The following CAST variants were observed in gnomAD, a reference collection of about 807,000 sequenced individuals.
The protein encoded by CAST is calpastatin, also known as MIR583 host.
Under a neutral mutation model 119.6 loss-of-function variants are expected in CAST, and 76 were observed. That is an observed-to-expected ratio of 0.64 (90% confidence interval 0.53 to 0.77). CAST has a LOEUF of 0.77. Among genes scored for constraint, CAST ranks in the 30% least tolerant of loss-of-function variants. The pLI is 0.00. For missense variants in CAST, 953 were observed against 946.5 expected (o/e 1.01, Z -0.09); for synonymous variants, 319 against 331.6 (o/e 0.96, Z 0.41).
the CAST span, among the ~76,000 whole-genome samples, chr5:96,202,051 A>G: frequency 1.3e-5 from 2 of 152,160 alleles, no homozygotes; most frequent in African/African-American, 4.8e-5. Context: ...CATTGAAACT[A>G]GTCTGAGGTC....
chr5:96,001,602 C>A, the CAST span, among the ~76,000 whole-genome samples: 1 of 152,188 alleles, frequency 6.6e-6, no homozygotes, highest in East Asian at 1.9e-4. Context: ...TATTGAGTAT[C>A]CAATTCTCTT....
chr5:95,995,975 A>G, the CAST span, among the ~76,000 whole-genome samples: 11 of 152,162 alleles, frequency 7.2e-5, no homozygotes, highest in Non-Finnish European at 2.9e-5. Flanking sequence ...TGGTAGACAT[A>G]TGACATCATA....
intron 1 of CAST, among the ~76,000 whole-genome samples, chr5:96,562,469 C>T (rs1489097632): frequency 6.6e-6 from 1 of 152,072 alleles, no homozygotes; most frequent in East Asian, 1.9e-4. Context: ...AAGCAAAAAA[C>T]TTGATAATAC....
chr5:96,086,849 A>C, the CAST span, among the ~76,000 whole-genome samples: 1 of 152,230 alleles, frequency 6.6e-6, no homozygotes, highest in Non-Finnish European at 1.5e-5. Flanking sequence ...AATTTATTTC[A>C]AGCAGTATCA....
the CAST span, among the ~76,000 whole-genome samples, chr5:95,994,964 TAAG>T: frequency 1.3e-5 from 2 of 152,194 alleles, no homozygotes; most frequent in South Asian, 4.1e-4. Context: ...AAAAAACTTT[TAAG>T]AAGTTAGAAA....
At chr5:96,044,206 T>G in the CAST span, among the ~76,000 whole-genome samples, 2 of 152,214 alleles carry the variant, frequency 1.3e-5, no homozygotes, top group African/African-American at 4.8e-5. Flanking sequence ...AATGTTTGTG[T>G]CCCATTCTCT....
the CAST span, chr5:95,961,922 G>A: frequency 1.5e-6 from 1 of 662,388 alleles, no homozygotes; most frequent in Non-Finnish European, 2.3e-6. Flanking sequence ...CCCGCCCCGG[G>A]CTCGTCTCAT....
chr5:96,167,973 C>T, the CAST span, among the ~76,000 whole-genome samples: 35 of 152,230 alleles, frequency 2.3e-4, no homozygotes, highest in Non-Finnish European at 4.9e-4. Context: ...GATAGATTTC[C>T]ACCATGGGAA....
At chr5:96,653,977 T>C (rs1039678152) in intron 1 of CAST, among the ~76,000 whole-genome samples, 1 of 151,780 alleles carries the variant, frequency 6.6e-6, no homozygotes, top group Non-Finnish European at 1.5e-5. Flanking sequence ...CCCTCTCTCT[T>C]TTCTCTTCCC....
the CAST span, chr5:96,410,846 G>A: frequency 6.2e-7 from 1 of 1,614,072 alleles, no homozygotes; most frequent in African/African-American, 1.3e-5. Flanking sequence ...CAGCGTACCA[G>A]GGGGATAGGC....
the CAST span, among the ~76,000 whole-genome samples, chr5:96,256,977 G>A: frequency 2.0e-5 from 3 of 152,134 alleles, no homozygotes; most frequent in Admixed American, 1.3e-4. Flanking sequence ...TCTGCATGAC[G>A]TCGTCTTCTT....
chr5:96,207,499 T>C, the CAST span, among the ~76,000 whole-genome samples: 2 of 152,128 alleles, frequency 1.3e-5, no homozygotes, highest in Non-Finnish European at 2.9e-5. Context: ...TGTTGCAAGT[T>C]TTTAACATGA....
the CAST span, among the ~76,000 whole-genome samples, chr5:96,005,810 A>G: frequency 6.6e-6 from 1 of 152,134 alleles, no homozygotes; most frequent in Admixed American, 6.5e-5. Flanking sequence ...TAAAAATCTA[A>G]TTGGAGAAAC....
the CAST span, among the ~76,000 whole-genome samples, chr5:96,141,313 G>T: frequency 6.6e-6 from 1 of 152,156 alleles, no homozygotes; most frequent in Non-Finnish European, 1.5e-5. Context: ...TCTTGAGAAG[G>T]TTAGCGAGCT....
the CAST span, among the ~76,000 whole-genome samples, chr5:96,320,119 A>G: frequency 6.6e-6 from 1 of 151,836 alleles, no homozygotes; most frequent in African/African-American, 2.4e-5. Flanking sequence ...CCCTGGTGAA[A>G]CATGAGGGCT....
the CAST span, among the ~76,000 whole-genome samples, chr5:96,315,338 A>G: frequency 6.6e-6 from 1 of 152,216 alleles, no homozygotes; most frequent in East Asian, 1.9e-4. Flanking sequence ...ACCGTAGCCA[A>G]AGGGAAACCT....
At chr5:96,546,159 A>T (rs6859191) in intron 1 of CAST, 93,459 of 151,934 alleles carry the variant, frequency 0.62, 29,091 homozygotes, top group East Asian at 0.86. Context: ...AGCTGTCCAC[A>T]CTTGCATAGG....
intron 2 of CAST, among the ~76,000 whole-genome samples, chr5:96,682,577 T>A (rs936261266): frequency 6.6e-6 from 1 of 152,192 alleles, no homozygotes. Context: ...AATGATGCCC[T>A]CTGCCTTTCT....
At chr5:96,049,156 A>G in the CAST span, among the ~76,000 whole-genome samples, 1 of 152,132 alleles carries the variant, frequency 6.6e-6, no homozygotes, top group East Asian at 1.9e-4. Flanking sequence ...ACGACTTTAT[A>G]ATAATTTTTA....
Sources: gnomAD v4.1 joint callset for allele counts (sites outside exome capture counted in the v4.1 genomes callset) on GRCh38, gnomAD v4.1.1 for gene constraint, MANE v1.5 for transcripts, NCBI Gene and HGNC (gene_info 2026-07-23, HGNC 2026-07-21) for gene names.